Variants in LARGE1 observed in about 807,000 individuals in gnomAD.
LARGE1 encodes xylosyl- and glucuronyltransferase LARGE1.
LARGE1 carries 43 observed loss-of-function variants against 87.6 expected under a neutral mutation model. The observed-to-expected ratio is 0.49, with a 90% CI of 0.38 to 0.63. The LOEUF (loss-of-function observed/expected upper bound fraction) is 0.63. Ranked by LOEUF, LARGE1 falls within the 30% of genes least tolerant of loss-of-function variation. The pLI is 0.00. For synonymous variants in LARGE1, 434 were observed against 394.6 expected (o/e 1.10, Z -1.18); for missense variants, 802 against 1,000.2 (o/e 0.80, Z 2.67).
intron 1 of LARGE1, among the ~76,000 whole-genome samples, chr22:33,862,693 C>T (rs908690012): frequency 3.9e-5 from 6 of 152,134 alleles, no homozygotes; most frequent in African/African-American, 1.4e-4. Context: ...GTCACGTGTC[C>T]TCGGGGGCCA....
Position 33,767,376 on chromosome 22 carries a change from C to T in LARGE1, c.-82-5818G>A, listed in dbSNP as rs1365217243. On this transcript the variant is annotated intron_variant, in intron 1 of 14. Transcript: ENST00000397394. ...CTCTATGTCTTAATTATATTGCTTG[C>T]AATTCAAAATACCTCAGCACAGACA... Among the ~76,000 whole-genome samples the T allele has an allele frequency of 4.6e-5, 7 of 151,080 alleles. No individual in the cohort carries two copies. In the East Asian group the frequency reaches 1.2e-3, roughly 25 times the overall value.
chr22:33,407,369 G>C, intron 7 of LARGE1, among the ~76,000 whole-genome samples: 1 of 152,226 alleles, frequency 6.6e-6, no homozygotes, highest in Non-Finnish European at 1.5e-5. Flanking sequence ...ACAAGAGTAA[G>C]AAGACTCTGC....
At chr22:33,494,873 A>G (rs974751148) in intron 6 of LARGE1, among the ~76,000 whole-genome samples, 3 of 152,170 alleles carry the variant, frequency 2.0e-5, no homozygotes, top group African/African-American at 7.2e-5. Context: ...ATCACAGGGC[A>G]AATCTGGGAG....
At chr22:33,837,014 G>GA (rs1392173050) in intron 1 of LARGE1, among the ~76,000 whole-genome samples, 2 of 152,050 alleles carry the variant, frequency 1.3e-5, no homozygotes, top group Non-Finnish European at 2.9e-5. Context: ...CAATATAGAA[G>GA]AATGTGGCTA....
intron 3 of LARGE1, among the ~76,000 whole-genome samples, chr22:33,631,268 A>T (rs551099501): frequency 4.6e-5 from 7 of 152,250 alleles, no homozygotes; most frequent in African/African-American, 7.2e-5. Context: ...CCTGGGCTCA[A>T]GCAATCTTCC....
chr22:33,725,961 T>C (rs1162114043), intron 2 of LARGE1, among the ~76,000 whole-genome samples: 2 of 152,154 alleles, frequency 1.3e-5, no homozygotes, highest in Non-Finnish European at 2.9e-5. Context: ...GAGATGCTGC[T>C]GGTACATAGT....
chr22:33,554,162 C>T (rs771053556), intron 6 of LARGE1, among the ~76,000 whole-genome samples: 5 of 152,068 alleles, frequency 3.3e-5, no homozygotes, highest in Non-Finnish European at 5.9e-5. Context: ...GCATCCGTTC[C>T]GTTGCTCCCC....
At chr22:33,265,559 G>A (rs1406806565) in intron 11 of LARGE1, among the ~76,000 whole-genome samples, 2 of 152,130 alleles carry the variant, frequency 1.3e-5, no homozygotes, top group African/African-American at 4.8e-5. Flanking sequence ...CTTCTCCCAA[G>A]CTCCCATCAC....
At chr22:33,729,555 T>C (rs544650373) in intron 2 of LARGE1, among the ~76,000 whole-genome samples, 115 of 152,352 alleles carry the variant, frequency 7.5e-4, no homozygotes, top group Middle Eastern at 3.4e-3. Context: ...CTCCATCCAA[T>C]GACTCTGGTC....
In LARGE1 at chr22:33,539,475, G is replaced by C. The variant is rs2077129790; in HGVS notation, c.787+25373C>G. On this transcript the variant is annotated intron_variant, in intron 6 of 14. Transcript: ENST00000397394. ...CAAACATATCCTGTTCTATTAGCTA[G>C]GCTGGCTTGACAAACTTATGTGGAA... Among the ~76,000 whole-genome samples, 4 of 152,136 alleles carry C rather than the reference G, an allele frequency of 2.6e-5. No individual in the cohort carries two copies. In the South Asian group the frequency reaches 8.3e-4, roughly 32 times the overall value.
intron 1 of LARGE1, among the ~76,000 whole-genome samples, chr22:33,866,983 G>A (rs1001404342): frequency 2.0e-5 from 3 of 152,090 alleles, no homozygotes; most frequent in Non-Finnish European, 4.4e-5. Flanking sequence ...AGCATATTAC[G>A]TATTCTCAGC....
intron 2 of LARGE1, among the ~76,000 whole-genome samples, chr22:33,687,446 T>G (rs1021742270): frequency 6.6e-6 from 1 of 151,908 alleles, no homozygotes; most frequent in Non-Finnish European, 1.5e-5. Context: ...TATCCATTTC[T>G]CTTACTGGAA....
chr22:33,233,807 C>G (rs1445119229), intron 11 of LARGE1, among the ~76,000 whole-genome samples: 5 of 152,166 alleles, frequency 3.3e-5, no homozygotes, highest in Non-Finnish European at 7.4e-5. Flanking sequence ...AGTCCAAGAT[C>G]AAGGTGTTGA....
chr22:33,360,591 C>T (rs916502640), intron 9 of LARGE1, among the ~76,000 whole-genome samples: 1 of 149,284 alleles, frequency 6.7e-6, no homozygotes, highest in African/African-American at 2.5e-5. Context: ...TGGTGCTAAA[C>T]CATTCATGAG....
chr22:33,571,626 A>T (rs113463828), intron 5 of LARGE1, among the ~76,000 whole-genome samples: 4,394 of 152,316 alleles, frequency 0.029, 106 homozygotes, highest in Non-Finnish European at 0.043. Context: ...CAGTAAAGAT[A>T]ATAATAGAAA....
chr22:33,827,628 C>T (rs2062838811), intron 1 of LARGE1, among the ~76,000 whole-genome samples: 1 of 152,190 alleles, frequency 6.6e-6, no homozygotes, highest in Admixed American at 6.5e-5. Context: ...GCGGGAGCCA[C>T]AGAGGGCGTG....
chr22:33,446,859 G>A (rs1197539294), intron 6 of LARGE1, among the ~76,000 whole-genome samples: 1 of 152,192 alleles, frequency 6.6e-6, no homozygotes, highest in Admixed American at 6.5e-5. Flanking sequence ...CGGCAGTGTT[G>A]AGACTAGGTG....
At chr22:33,810,746 T>C (rs953797562) in intron 1 of LARGE1, among the ~76,000 whole-genome samples, 11 of 151,416 alleles carry the variant, frequency 7.3e-5, no homozygotes, top group African/African-American at 2.4e-4. Context: ...TTTTTTGAGA[T>C]GGAGTCTTGC....
chr22:33,627,658 G>A (rs1211728190), intron 3 of LARGE1, among the ~76,000 whole-genome samples: 1 of 152,100 alleles, frequency 6.6e-6, no homozygotes, highest in African/African-American at 2.4e-5. Context: ...CTGGTTCCCA[G>A]GCCTCCTTCA....
Sources: allele counts gnomAD v4.1 joint callset (sites outside exome capture counted in the v4.1 genomes callset), GRCh38; gene constraint gnomAD v4.1.1; transcripts MANE v1.5; gene names NCBI Gene and HGNC (gene_info 2026-07-23, HGNC 2026-07-21).